The following NLGN1 variants were observed in gnomAD, a reference collection of about 807,000 sequenced individuals.
NLGN1 encodes the protein neuroligin-1.
In NLGN1, 12 loss-of-function variants were observed where a neutral mutation model predicts 65.5. The ratio of observed to expected loss-of-function variants is 0.18; its 90% CI spans 0.12 to 0.30. The LOEUF (loss-of-function observed/expected upper bound fraction) is 0.30. NLGN1 is among the 10% of genes least tolerant of loss of function. The pLI, the probability that NLGN1 is intolerant of heterozygous loss-of-function variation, is 1.00. For missense variants in NLGN1, 750 were observed against 1,007.1 expected, an observed-to-expected ratio of 0.74 and a Z score of 3.46; for synonymous variants, 350 against 359.5, an observed-to-expected ratio of 0.97 and a Z score of 0.30.
chr3:173,945,210 T>A (rs1746928092), intron 4 of NLGN1, among the ~76,000 whole-genome samples: 1 of 151,930 alleles, frequency 6.6e-6, no homozygotes. Context: ...ATGCCTGGTC[T>A]CCCTTTAGAG....
intron 3 of NLGN1, among the ~76,000 whole-genome samples, chr3:173,716,207 C>A (rs1040323223): frequency 6.6e-6 from 1 of 152,140 alleles, no homozygotes; most frequent in Non-Finnish European, 1.5e-5. Context: ...AGGAATTAAT[C>A]TTTACAAGCA....
Position 174,116,958 on chromosome 3 carries a change from A to G in NLGN1, c.647-158357A>G, listed in dbSNP as rs575781920. Among the ~76,000 whole-genome samples the G allele has an allele frequency of 1.0e-3, 153 of 152,258 alleles. 1 individual carries two copies. The highest frequency in any genetic ancestry group is 1.2e-3 in the Non-Finnish European group (83 of 68,012). ...CTGGAGTTGACAGTCTTATAATTTA[A>G]TAATACATAGGGTTCAAAGCATTGT... On this transcript the variant is annotated intron_variant, in intron 4 of 6. Coordinates refer to ENST00000457714, the Ensembl canonical transcript of NLGN1.
intron 4 of NLGN1, among the ~76,000 whole-genome samples, chr3:173,829,166 T>A (rs1413055830): frequency 6.6e-6 from 1 of 152,070 alleles, no homozygotes; most frequent in Non-Finnish European, 1.5e-5. Flanking sequence ...ATGTTCTCAG[T>A]CACTGCAAGA....
chr3:174,284,935 A>T (rs1450518723), exon 7 of NLGN1: 2 of 151,376 alleles, frequency 1.3e-5, no homozygotes, highest in African/African-American at 2.4e-5. Flanking sequence ...TTTAAAAATT[A>T]TCAAGTATAT....
At position 174,055,367 on chromosome 3, in the gene NLGN1, A is replaced by T. The variant is rs549204230; in HGVS notation, c.647-219948A>T. Among the ~76,000 whole-genome samples the T allele has an allele frequency of 4.6e-5, 7 of 152,032 alleles. No homozygotes were observed. In the East Asian group the frequency reaches 1.2e-3, roughly 25 times the overall value. On this transcript the variant is annotated intron_variant, in intron 4 of 6. Transcript: ENST00000457714. ...TGAACCAACGTTGGAAAGAAGAGAA[A>T]GTTGGCAGGCATAGGAAGGAACAAC...
intron 4 of NLGN1, among the ~76,000 whole-genome samples, chr3:174,250,865 A>T (rs762622495): frequency 6.6e-6 from 1 of 152,154 alleles, no homozygotes; most frequent in Non-Finnish European, 1.5e-5. Flanking sequence ...TTCTCTGGGC[A>T]GAATCTGACA....
intron 2 of NLGN1, among the ~76,000 whole-genome samples, chr3:173,492,578 C>T (rs967350343): frequency 6.6e-6 from 1 of 151,692 alleles, no homozygotes; most frequent in African/African-American, 2.4e-5. Flanking sequence ...ATATATGTGG[C>T]TCATGCTTCT....
intron 4 of NLGN1, among the ~76,000 whole-genome samples, chr3:174,034,294 C>T (rs1169079743): frequency 2.0e-5 from 3 of 151,056 alleles, no homozygotes; most frequent in Non-Finnish European, 4.4e-5. Context: ...TTTCAGCAGA[C>T]ATAAGAATGT....
At chr3:174,241,937 C>T (rs1447670370) in intron 4 of NLGN1, among the ~76,000 whole-genome samples, 6 of 152,162 alleles carry the variant, frequency 3.9e-5, no homozygotes, top group Admixed American at 2.6e-4. Flanking sequence ...GGATTACAGG[C>T]GTGAGCCACC....
chr3:173,883,919 A>T (rs369651078), intron 4 of NLGN1, among the ~76,000 whole-genome samples: 3 of 150,876 alleles, frequency 2.0e-5, no homozygotes, highest in East Asian at 3.9e-4. Context: ...GATATTTCAC[A>T]TGAGAAATTG....
In NLGN1 at chr3:173,730,329, C is replaced by CCCCA. The variant is rs1283722983; in HGVS notation, c.494-77348_494-77347insACCC. Among the ~76,000 whole-genome samples the CCCCA allele has an allele frequency of 1.4e-5, 2 of 139,878 alleles. 1 individual carries two copies. Among genetic ancestry groups the CCCCA allele is most frequent in the Admixed American group, 1.4e-4 (2 of 14,268 alleles). 91.8% of individuals were successfully genotyped at this position (139,878 alleles called of 152,430 possible). ...ACACTACTGCCCCACCGCTCCCCCC[C>CCCCA]CCCCGCAAAAATAGAATGAAAGCTA... On this transcript the variant is annotated intron_variant, in intron 3 of 6. Transcript: ENST00000457714.
intron 2 of NLGN1, among the ~76,000 whole-genome samples, chr3:173,551,867 A>C (rs900043922): frequency 1.3e-5 from 2 of 152,222 alleles, no homozygotes; most frequent in African/African-American, 4.8e-5. Flanking sequence ...CCTGGCTGAC[A>C]CCAAAACTTT....
At chr3:174,111,386 A>G (rs1325002584) in intron 4 of NLGN1, among the ~76,000 whole-genome samples, 1 of 151,934 alleles carries the variant, frequency 6.6e-6, no homozygotes, top group Non-Finnish European at 1.5e-5. Context: ...AATAAAAGCC[A>G]GAACTTTGGA....
intron 4 of NLGN1, among the ~76,000 whole-genome samples, chr3:174,209,382 G>A (rs112575966): frequency 3.3e-5 from 5 of 152,160 alleles, no homozygotes; most frequent in Admixed American, 1.3e-4. Context: ...AGAGCATCAC[G>A]AGGTTTGTTG....
intron 3 of NLGN1, among the ~76,000 whole-genome samples, chr3:173,745,898 T>C (rs1352708652): frequency 6.6e-6 from 1 of 152,098 alleles, no homozygotes; most frequent in African/African-American, 2.4e-5. Context: ...ACTTCACAGA[T>C]AGGGAAACTG....
chr3:173,735,499 A>T (rs1044813863), intron 3 of NLGN1, among the ~76,000 whole-genome samples: 2 of 152,102 alleles, frequency 1.3e-5, no homozygotes, highest in African/African-American at 4.8e-5. Flanking sequence ...CAAGTTTATA[A>T]GACTAAAATT....
chr3:173,680,658 T>C (rs1763827136), intron 3 of NLGN1, among the ~76,000 whole-genome samples: 2 of 152,008 alleles, frequency 1.3e-5, no homozygotes, highest in Admixed American at 1.3e-4. Flanking sequence ...TTTATGACAA[T>C]GATGATATTT....
At chr3:174,100,285 A>AC (rs987080075) in intron 4 of NLGN1, among the ~76,000 whole-genome samples, 1 of 151,984 alleles carries the variant, frequency 6.6e-6, no homozygotes, top group African/African-American at 2.4e-5. Context: ...GTAAAAAAAA[A>AC]AAAACTTTAT....
chr3:174,028,327 A>G (rs1729258576), intron 4 of NLGN1, among the ~76,000 whole-genome samples: 1 of 152,184 alleles, frequency 6.6e-6, no homozygotes, highest in Non-Finnish European at 1.5e-5. Flanking sequence ...TTGTTGAATG[A>G]CTTTGAAAAA....
Sources: gnomAD v4.1 joint callset for allele counts (sites outside exome capture counted in the v4.1 genomes callset) on GRCh38, gnomAD v4.1.1 for gene constraint, MANE v1.5 for transcripts, NCBI Gene and HGNC (gene_info 2026-07-23, HGNC 2026-07-21) for gene names.